The following PRKCA variants were observed in gnomAD, a reference collection of about 807,000 sequenced individuals.
PRKCA encodes protein kinase C alpha.
PRKCA carries 27 observed loss-of-function variants against 87.0 expected under a neutral mutation model. The ratio of observed to expected loss-of-function variants is 0.31; its 90% CI spans 0.23 to 0.43. The LOEUF (loss-of-function observed/expected upper bound fraction) is 0.43, where lower values mean the gene tolerates loss of function less well. PRKCA is among the 20% of genes least tolerant of loss of function. PRKCA has a pLI of 1.00. For synonymous variants in PRKCA, 329 were observed against 311.1 expected (o/e 1.06, Z -0.61); for missense variants, 518 against 852.3 (o/e 0.61, Z 4.88).
At chr17:66,461,575 G>A (rs77160866) in intron 2 of PRKCA, among the ~76,000 whole-genome samples, 3,151 of 152,290 alleles carry the variant, frequency 0.021, 102 homozygotes, top group African/African-American at 0.071. Context: ...TGCTTATTTT[G>A]TGTTGCAGCA....
At chr17:66,455,578 G>A (rs1914543005) in intron 2 of PRKCA, among the ~76,000 whole-genome samples, 2 of 152,194 alleles carry the variant, frequency 1.3e-5, no homozygotes, top group Admixed American at 6.5e-5. Context: ...TAAAGGTGAT[G>A]GAAGTCTGGC....
intron 2 of PRKCA, among the ~76,000 whole-genome samples, chr17:66,424,766 T>C (rs1912699938): frequency 6.6e-6 from 1 of 151,920 alleles, no homozygotes; most frequent in Non-Finnish European, 1.5e-5. Flanking sequence ...CGCCTTTTTT[T>C]TGTGACAGAG....
chr17:66,690,051 G>T (rs1040461284), intron 8 of PRKCA, among the ~76,000 whole-genome samples: 2 of 152,158 alleles, frequency 1.3e-5, no homozygotes, highest in African/African-American at 4.8e-5. Flanking sequence ...ATACAGATCT[G>T]GGGGGTGGGG....
chr17:66,353,559 T>C (rs779863417), intron 2 of PRKCA, among the ~76,000 whole-genome samples: 8 of 152,044 alleles, frequency 5.3e-5, no homozygotes, highest in Non-Finnish European at 1.0e-4. Context: ...CTACTAAGAA[T>C]ACAAAAATTA....
intron 3 of PRKCA, among the ~76,000 whole-genome samples, chr17:66,547,116 C>G (rs543100886): frequency 2.0e-5 from 3 of 152,320 alleles, no homozygotes; most frequent in South Asian, 4.1e-4. Flanking sequence ...CCTTACCTAT[C>G]TACCTTCCTT....
intron 5 of PRKCA, among the ~76,000 whole-genome samples, chr17:66,672,381 A>G (rs980845146): frequency 2.6e-5 from 4 of 152,236 alleles, no homozygotes; most frequent in Non-Finnish European, 5.9e-5. Context: ...TAAGAAAGTC[A>G]AAATTACAGT....
chr17:66,645,360 C>T (rs1971423209), intron 4 of PRKCA, 23 bp from the exon 5 acceptor site: 3 of 1,614,038 alleles, frequency 1.9e-6, no homozygotes, highest in South Asian at 1.1e-5. Context: ...GCCCAGCTCA[C>T]CCTCTCCTTT....
At chr17:66,550,752 T>A (rs906452190) in intron 3 of PRKCA, among the ~76,000 whole-genome samples, 29 of 152,176 alleles carry the variant, frequency 1.9e-4, no homozygotes, top group African/African-American at 7.0e-4. Flanking sequence ...CCTGCCAGCA[T>A]TAAATGTCCG....
At chr17:66,438,734 G>A (rs2143862159) in intron 2 of PRKCA, among the ~76,000 whole-genome samples, 1 of 152,254 alleles carries the variant, frequency 6.6e-6, no homozygotes, top group African/African-American at 2.4e-5. Flanking sequence ...AAGCAAACAT[G>A]TCCTTCTTTA....
At position 66,562,084 on chromosome 17, in the gene PRKCA, T is replaced by A. The variant is rs148782182; in HGVS notation, c.288+65801T>A. Among the ~76,000 whole-genome samples the A allele has an allele frequency of 8.3e-3, 928 of 111,630 alleles. 33 individuals are homozygous for A. Among genetic ancestry groups the A allele is most frequent in the Admixed American group, 0.053 (610 of 11,450 alleles). The allele number at this position is 111,630 out of a possible 152,430, so 73.2% of individuals were successfully genotyped here. On this transcript the variant is annotated intron_variant, in intron 3 of 16. Coordinates refer to ENST00000413366, the MANE Select transcript of PRKCA (RefSeq NM_002737.3). ...AATATATATAATTAAATTATATATATAATTAAATATATATAATTAAATTAT... is the reference window on the plus strand; with the variant it reads ...AATATATATAATTAAATTATATATAAAATTAAATATATATAATTAAATTAT...
At chr17:66,781,371 A>G (rs1975206796) in intron 14 of PRKCA, among the ~76,000 whole-genome samples, 1 of 152,196 alleles carries the variant, frequency 6.6e-6, no homozygotes, top group South Asian at 2.1e-4. Context: ...CTGCAGCAAG[A>G]CTGTGATGGC....
intron 3 of PRKCA, among the ~76,000 whole-genome samples, chr17:66,518,297 A>G (rs1216906235): frequency 6.6e-6 from 1 of 152,094 alleles, no homozygotes; most frequent in Admixed American, 6.5e-5. Flanking sequence ...TTTTCCTTGT[A>G]GTTGGTTGAT....
At chr17:66,773,306 TAA>T (rs1375291804) in intron 13 of PRKCA, among the ~76,000 whole-genome samples, 6 of 152,196 alleles carry the variant, frequency 3.9e-5, no homozygotes, top group Admixed American at 6.6e-5. Context: ...TTATGTCTTT[TAA>T]AAAGTGTTTT....
At chr17:66,365,009 C>G (rs2143500728) in intron 2 of PRKCA, among the ~76,000 whole-genome samples, 1 of 152,198 alleles carries the variant, frequency 6.6e-6, no homozygotes, top group East Asian at 1.9e-4. Flanking sequence ...TTAAAAAGTC[C>G]CCAAAGGTCT....
chr17:66,506,244 C>T (rs28538910), intron 3 of PRKCA, among the ~76,000 whole-genome samples: 292 of 151,758 alleles, frequency 1.9e-3, no homozygotes, highest in African/African-American at 6.7e-3. Context: ...TGCAGTGAGC[C>T]GACATCGTGC....
intron 2 of PRKCA, among the ~76,000 whole-genome samples, chr17:66,482,490 T>G (rs1419403720): frequency 6.6e-6 from 1 of 152,130 alleles, no homozygotes; most frequent in East Asian, 1.9e-4. Flanking sequence ...CCTTTTAAAT[T>G]AGGAATGTTC....
At chr17:66,720,934 T>C (rs1420350596) in intron 8 of PRKCA, among the ~76,000 whole-genome samples, 1 of 152,184 alleles carries the variant, frequency 6.6e-6, no homozygotes. Context: ...TTTGAAGACA[T>C]ATTTACAAAA....
At chr17:66,690,304 G>A (rs896963578) in intron 8 of PRKCA, among the ~76,000 whole-genome samples, 18 of 152,204 alleles carry the variant, frequency 1.2e-4, no homozygotes, top group Admixed American at 5.2e-4. Flanking sequence ...AAATGGCAAT[G>A]AACGGCAGGC....
chr17:66,802,213 CT>C (rs1367273958), intron 16 of PRKCA, among the ~76,000 whole-genome samples: 1 of 151,776 alleles, frequency 6.6e-6, no homozygotes, highest in African/African-American at 2.4e-5. Flanking sequence ...GAGTGAGACC[CT>C]GTCTCAAAAA....
Sources: allele counts gnomAD v4.1 joint callset (sites outside exome capture counted in the v4.1 genomes callset), GRCh38; gene constraint gnomAD v4.1.1; transcripts MANE v1.5; gene names NCBI Gene and HGNC (gene_info 2026-07-23, HGNC 2026-07-21).